B3GNT6: variants seen among roughly 807,000 people sequenced by gnomAD.
B3GNT6 encodes UDP-GlcNAc:betaGal beta-1,3-N-acetylglucosaminyltransferase 6, also known as acetylgalactosaminyl-O-glycosyl-glycoprotein beta-1,3-N-acetylglucosaminyltransferase.
For missense variants in B3GNT6, 624 were observed against 568.6 expected (o/e 1.10, Z -0.99); for synonymous variants, 300 against 270.0 (o/e 1.11, Z -1.09).
rs1949685683 is a variant in B3GNT6 at position 77,041,360 on chromosome 11, C to T, written c.*654C>T. ...GAGGCCCGGTCAGACAGTGACTAAT[C>T]CAGGGCCGTGGCATTCCCAGACAGC... On this transcript the variant is annotated 3_prime_UTR_variant, in exon 2 of 2. Coordinates refer to ENST00000622824, the MANE Select transcript of B3GNT6 (RefSeq NM_138706.5). The T allele has an allele frequency of 6.6e-6, 1 of 152,496 alleles. No individual in the cohort carries two copies. Among genetic ancestry groups the T allele is most frequent in the African/African-American group, 2.4e-5 (1 of 41,464 alleles). 9.4% of individuals were successfully genotyped at this position (152,496 alleles called of 1,614,324 possible).
chr11:77,038,398 G>GAAA (rs372967129), intron 1 of B3GNT6, among the ~76,000 whole-genome samples: 2 of 131,310 alleles, frequency 1.5e-5, no homozygotes, highest in Non-Finnish European at 3.2e-5. Context: ...CGTCTCTACA[G>GAAA]AAAAAAAAAA....
rs782256480 is a variant in B3GNT6 at position 77,040,294 on chromosome 11, G to A, written c.743G>A (p.Gly248Asp). The change falls in exon 2 of 2, where the codon GGC becomes GAC. Residue 248 changes from glycine to aspartate, a missense_variant. Gly to Asp is a moderately conservative substitution (Grantham distance 94). Transcript: ENST00000622824. The part of the protein sequence containing the change: ...AQPPGRHLFS[G>D]QLMEGSVPIR... The stretch of plus-strand genomic sequence containing the variant: ...CCACCCGGCCGCCACCTGTTCTCCG[G>A]CCAGCTCATGGAGGGCTCCGTGCCC... The A allele has an allele frequency of 1.0e-5, 16 of 1,588,886 alleles. No individual in the cohort carries two copies. The highest frequency in any genetic ancestry group is 8.0e-5 in the African/African-American group (6 of 74,648).
At chr11:77,036,835 C>G (rs1393880935) in intron 1 of B3GNT6, among the ~76,000 whole-genome samples, 1 of 152,158 alleles carries the variant, frequency 6.6e-6, no homozygotes, top group Non-Finnish European at 1.5e-5. Context: ...TGATCCCTAT[C>G]CTTAAAATGC....
Position 77,040,213 on chromosome 11 carries a change from G to GCGA in B3GNT6, c.671_673dup (p.Asp224dup). 1.3e-6 allele frequency: 2 copies of GCGA among 1,599,206 alleles called. No homozygotes were observed. The highest frequency in any genetic ancestry group is 1.1e-5 in the South Asian group (1 of 91,050). The stretch of plus-strand genomic sequence containing the variant: ...CCGCACGCGCGCTTTCTGCTCAGCG[G>GCGA]CGACGACGACGTGTTCGTGCACACC... On this transcript the variant is annotated inframe_insertion, in exon 2 of 2. Coordinates refer to ENST00000622824, the MANE Select transcript of B3GNT6 (RefSeq NM_138706.5).
Position 77,040,024 on chromosome 11 carries a change from G to C in B3GNT6, c.473G>C (p.Gly158Ala). The C allele has an allele frequency of 6.3e-7, 1 of 1,578,520 alleles. No homozygotes were observed. Among genetic ancestry groups the C allele is most frequent in the Non-Finnish European group, 8.5e-7 (1 of 1,170,768 alleles). The change falls in exon 2 of 2, where the codon GGC becomes GCC. Residue 158 changes from glycine (G) to alanine (A), a missense_variant. Coordinates refer to ENST00000622824, the MANE Select transcript of B3GNT6 (RefSeq NM_138706.5). ...GRPVRRLFLLGTPGPEDEARA... is the reference protein window; with the variant it reads ...GRPVRRLFLLATPGPEDEARA... ...CCAGTGCGCCGCCTCTTTCTATTGG[G>C]CACCCCGGGCCCCGAGGACGAGGCG...
intron 1 of B3GNT6, among the ~76,000 whole-genome samples, chr11:77,037,486 T>G (rs1949642261): frequency 6.6e-6 from 1 of 152,082 alleles, no homozygotes. Context: ...CATATGGAGC[T>G]GTTAAGTCAG....
Position 77,040,159 on chromosome 11 carries a change from A to C in B3GNT6, c.608A>C (p.His203Pro), listed in dbSNP as rs1555027616. ...CTCAACCTCACGCTCAAGCACCTGC[A>C]CTTGCTCGACTGGCTGGCTGCACGC... ...TFLNLTLKHL[H>P]LLDWLAARCP... Residue 203 changes from histidine to proline, a missense_variant, in exon 2 of 2, where the codon CAC becomes CCC. Coordinates refer to ENST00000622824, the MANE Select transcript of B3GNT6 (RefSeq NM_138706.5). The C allele has an allele frequency of 6.3e-7, 1 of 1,599,394 alleles. No homozygotes were observed. The highest frequency in any genetic ancestry group is 1.7e-5 in the Admixed American group (1 of 59,998).
Position 77,039,581 on chromosome 11 carries a change from T to G in B3GNT6, c.30T>G (p.Thr10=), listed in dbSNP as rs1591090594. MAFPCRRSL[T]AKTLACLLVG... is the part of the protein sequence containing the mutation. ...CTTTTCCCTGCCGCAGGTCCCTGACTGCCAAGACTCTGGCCTGCCTCCTGG... is the reference window on the plus strand; with the variant it reads ...CTTTTCCCTGCCGCAGGTCCCTGACGGCCAAGACTCTGGCCTGCCTCCTGG... Residue 10 remains threonine, a synonymous_variant, in exon 2 of 2, where the codon ACT becomes ACG. Transcript: ENST00000622824. 6.3e-7 allele frequency: 1 copy of G among 1,595,910 alleles called. No homozygotes were observed. Among genetic ancestry groups the G allele is most frequent in the East Asian group, 2.3e-5 (1 of 44,228 alleles).
chr11:77,036,501 G>C (rs1257171891), intron 1 of B3GNT6, among the ~76,000 whole-genome samples: 1 of 152,144 alleles, frequency 6.6e-6, no homozygotes, highest in Non-Finnish European at 1.5e-5. Flanking sequence ...AAAATACCTG[G>C]AAGTATTTAT....
At chr11:77,038,067 A>AC (rs1565240523) in intron 1 of B3GNT6, among the ~76,000 whole-genome samples, 2 of 636 alleles carry the variant, frequency 3.1e-3, no homozygotes, top group South Asian at 0.031. Context: ...GTGGGAGGGG[A>AC]TGAGGGGGAG....
At chr11:77,039,061 G>A (rs1448666306) in intron 1 of B3GNT6, among the ~76,000 whole-genome samples, 1 of 152,122 alleles carries the variant, frequency 6.6e-6, no homozygotes, top group Admixed American at 6.5e-5. Flanking sequence ...CGACTCGGGA[G>A]GCAACGAGGG....
rs897377496 is a variant in B3GNT6 at position 77,039,685 on chromosome 11, A to G, written c.134A>G (p.Glu45Gly). ...RSPREERSPQ[E>G]ETPEGPTDAP... is the part of the protein sequence containing the mutation. The stretch of plus-strand genomic sequence containing the variant: ...CCGCGGGAGGAGAGGTCCCCGCAGG[A>G]GGAGACGCCAGAGGGTCCCACCGAC... Residue 45 changes from glutamate (E) to glycine (G), a missense_variant, in exon 2 of 2, where the codon GAG becomes GGG. Transcript: ENST00000622824. 11 of 1,611,810 alleles carry G rather than the reference A, an allele frequency of 6.8e-6. No homozygotes were observed. The Admixed American group carries it at 1.7e-4, about 24-fold the overall frequency.
intron 1 of B3GNT6, 48 bp from the exon 2 acceptor site, chr11:77,039,504 G>A (rs1012087830): frequency 6.5e-7 from 1 of 1,527,826 alleles, no homozygotes; most frequent in Middle Eastern, 1.8e-4. Flanking sequence ...TGTCCTGCCG[G>A]TGTCAAAGAC....
At chr11:77,036,221 C>T (rs536159144) in intron 1 of B3GNT6, among the ~76,000 whole-genome samples, 7 of 152,222 alleles carry the variant, frequency 4.6e-5, no homozygotes, top group South Asian at 4.1e-4. Flanking sequence ...AGACAGTTGA[C>T]GGTAAAAGAG....
In B3GNT6 at chr11:77,040,293, G is replaced by C. The variant is rs1555027686; in HGVS notation, c.742G>C (p.Gly248Arg). The change falls in exon 2 of 2, where the codon GGC (glycine) becomes CGC (arginine). Residue 248 changes from glycine to arginine, a missense_variant. Coordinates refer to ENST00000622824, the MANE Select transcript of B3GNT6 (RefSeq NM_138706.5). Reference sequence around the variant, plus strand: ...GCCACCCGGCCGCCACCTGTTCTCCGGCCAGCTCATGGAGGGCTCCGTGCC... The same window carrying C: ...GCCACCCGGCCGCCACCTGTTCTCCCGCCAGCTCATGGAGGGCTCCGTGCC... ...AQPPGRHLFS[G>R]QLMEGSVPIR... 2.5e-6 allele frequency: 4 copies of C among 1,590,288 alleles called. No individual in the cohort carries two copies. The East Asian group carries it at 6.8e-5, about 27-fold the overall frequency.
chr11:77,040,293 G>T lies in B3GNT6; in HGVS notation c.742G>T (p.Gly248Cys). The T allele has an allele frequency of 6.3e-7, 1 of 1,590,288 alleles. No homozygotes were observed. The highest frequency in any genetic ancestry group is 1.3e-5 in the African/African-American group (1 of 74,786). ...GCCACCCGGCCGCCACCTGTTCTCC[G>T]GCCAGCTCATGGAGGGCTCCGTGCC... ...AQPPGRHLFSGQLMEGSVPIR... is the reference protein window; with the variant it reads ...AQPPGRHLFSCQLMEGSVPIR... The change falls in exon 2 of 2, where the codon GGC (glycine) becomes TGC (cysteine). Residue 248 changes from glycine to cysteine, a missense_variant. By Grantham distance (159) the Gly-to-Cys change is radical (BLOSUM62 -3). Transcript: ENST00000622824.
Position 77,040,970 on chromosome 11 carries a change from C to T in B3GNT6, c.*264C>T. 2.1e-6 allele frequency: 1 copy of T among 475,294 alleles called. No homozygotes were observed. The highest frequency in any genetic ancestry group is 3.5e-6 in the Non-Finnish European group (1 of 282,544). 29.4% of individuals were successfully genotyped at this position (475,294 alleles called of 1,614,324 possible). ...CAGTGATGCGAATGTGCAGCTAGGC[C>T]TGAGGACCACTCGGCTAGACTATCT... On this transcript the variant is annotated 3_prime_UTR_variant, in exon 2 of 2. Coordinates refer to ENST00000622824, the MANE Select transcript of B3GNT6 (RefSeq NM_138706.5).
chr11:77,038,935 T>C (rs535063800), intron 1 of B3GNT6, among the ~76,000 whole-genome samples: 17 of 152,146 alleles, frequency 1.1e-4, no homozygotes, highest in Admixed American at 3.9e-4. Flanking sequence ...TCGTCACAGA[T>C]GAGAACACTC....
chr11:77,037,539 C>G (rs1460215640), intron 1 of B3GNT6, among the ~76,000 whole-genome samples: 4 of 151,996 alleles, frequency 2.6e-5, no homozygotes, highest in Non-Finnish European at 5.9e-5. Flanking sequence ...GAGGTCCTAA[C>G]AGTGAAGGAG....
Sources: gnomAD v4.1 joint callset for allele counts (sites outside exome capture counted in the v4.1 genomes callset) on GRCh38, gnomAD v4.1.1 for gene constraint, MANE v1.5 for transcripts, NCBI Gene and HGNC (gene_info 2026-07-23, HGNC 2026-07-21) for gene names.